The following WWOX variants were observed in gnomAD, a reference collection of about 807,000 sequenced individuals.
WWOX encodes WW domain containing oxidoreductase.
A neutral mutation model predicts 46.2 loss-of-function variants in WWOX; 69 were observed. The observed-to-expected ratio is 1.49, with a 90% CI of 1.23 to 1.82. The LOEUF (loss-of-function observed/expected upper bound fraction) is 1.82, where lower values mean the gene tolerates loss of function less well. WWOX is among the 40% of genes most tolerant of loss of function. The pLI is 0.00. For missense variants in WWOX, 919 were observed against 542.6 expected (o/e 1.69, Z -6.89); for synonymous variants, 359 against 202.6 (o/e 1.77, Z -6.56).
intron 8 of WWOX, among the ~76,000 whole-genome samples, chr16:78,530,984 G>T (rs1026242438): frequency 2.0e-5 from 3 of 152,178 alleles, no homozygotes; most frequent in African/African-American, 4.8e-5. Flanking sequence ...ATATTACTCT[G>T]CAAATATGGA....
At chr16:78,860,144 C>G (rs1037556159) in intron 8 of WWOX, among the ~76,000 whole-genome samples, 2 of 152,164 alleles carry the variant, frequency 1.3e-5, no homozygotes. Flanking sequence ...CATCCTTATT[C>G]CATCGCCCAT....
intron 8 of WWOX, chr16:79,004,865 G>A (rs1007258742): frequency 1.3e-5 from 2 of 152,156 alleles, no homozygotes; most frequent in East Asian, 3.9e-4. Context: ...ACCTATGTGA[G>A]ATTTTATTAT....
At chr16:78,590,090 A>C (rs2045314820) in intron 8 of WWOX, among the ~76,000 whole-genome samples, 1 of 152,154 alleles carries the variant, frequency 6.6e-6, no homozygotes, top group African/African-American at 2.4e-5. Context: ...TTAAGGAGAG[A>C]AACACATATA....
At chr16:78,275,456 G>C (rs374858102) in intron 5 of WWOX, among the ~76,000 whole-genome samples, 1 of 152,210 alleles carries the variant, frequency 6.6e-6, no homozygotes, top group African/African-American at 2.4e-5. Flanking sequence ...TGGTCCGTAC[G>C]CATCCCCTGC....
chr16:78,300,531 C>G (rs1253695860), intron 5 of WWOX, among the ~76,000 whole-genome samples: 1 of 151,646 alleles, frequency 6.6e-6, no homozygotes, highest in African/African-American at 2.4e-5. Flanking sequence ...CTCCCCTCTT[C>G]TCTTTCCCCT....
intron 8 of WWOX, among the ~76,000 whole-genome samples, chr16:78,745,522 CTTT>C (rs5818168): frequency 6.5e-5 from 6 of 92,742 alleles, no homozygotes; most frequent in Admixed American, 1.2e-4. Context: ...TGTGGAAATC[CTTT>C]TTTTTTTTTT....
chr16:78,898,147 A>G (rs2044744842), intron 8 of WWOX: 1 of 152,116 alleles, frequency 6.6e-6, no homozygotes, highest in African/African-American at 2.4e-5. Context: ...CAGAAGTTAT[A>G]AATACTGATA....
chr16:78,170,772 G>A (rs1052957669), intron 5 of WWOX, among the ~76,000 whole-genome samples: 1 of 152,210 alleles, frequency 6.6e-6, no homozygotes, highest in African/African-American at 2.4e-5. Flanking sequence ...ATGATTAAGG[G>A]ATTAGTCATC....
At chr16:78,632,715 C>A (rs183765135) in intron 8 of WWOX, among the ~76,000 whole-genome samples, 1 of 151,668 alleles carries the variant, frequency 6.6e-6, no homozygotes, top group East Asian at 2.0e-4. Flanking sequence ...TGCGCCACCA[C>A]GCCCAGCTGA....
intron 8 of WWOX, chr16:78,895,835 A>G (rs914579834): frequency 1.3e-5 from 2 of 152,218 alleles, no homozygotes; most frequent in African/African-American, 2.4e-5. Context: ...CCGACTATAT[A>G]AAGTCGAGTG....
intron 8 of WWOX, among the ~76,000 whole-genome samples, chr16:79,125,845 C>A (rs1006618348): frequency 6.6e-6 from 1 of 152,126 alleles, no homozygotes; most frequent in Non-Finnish European, 1.5e-5. Flanking sequence ...TTTGCCATAG[C>A]TTTTTACTTC....
intron 8 of WWOX, among the ~76,000 whole-genome samples, chr16:79,032,270 A>T (rs1261585328): frequency 1.4e-5 from 2 of 146,330 alleles, no homozygotes; most frequent in Non-Finnish European, 3.0e-5. Context: ...TATACATAAT[A>T]TATACATAAT....
intron 8 of WWOX, among the ~76,000 whole-genome samples, chr16:78,788,683 G>C (rs942178616): frequency 6.6e-6 from 1 of 152,200 alleles, no homozygotes; most frequent in East Asian, 1.9e-4. Flanking sequence ...GGTAGCAAGT[G>C]TTTTCCTGAG....
intron 8 of WWOX, among the ~76,000 whole-genome samples, chr16:79,091,726 C>G (rs375730788): frequency 6.6e-6 from 1 of 151,002 alleles, no homozygotes; most frequent in East Asian, 1.9e-4. Flanking sequence ...AGTTGGTTTT[C>G]TCAAGAGGGT....
intron 8 of WWOX, among the ~76,000 whole-genome samples, chr16:78,772,235 C>G (rs774336086): frequency 1.3e-5 from 2 of 152,200 alleles, no homozygotes; most frequent in Non-Finnish European, 2.9e-5. Flanking sequence ...GTTGTTCTTT[C>G]TTTGTGTCCT....
chr16:78,310,762 C>T (rs956905824), intron 5 of WWOX, among the ~76,000 whole-genome samples: 1 of 152,216 alleles, frequency 6.6e-6, no homozygotes, highest in Admixed American at 6.5e-5. Context: ...CCTTTGCTTG[C>T]TCTCACAGCT....
At chr16:79,020,237 T>A (rs1427277283) in intron 8 of WWOX, among the ~76,000 whole-genome samples, 4 of 152,220 alleles carry the variant, frequency 2.6e-5, no homozygotes, top group African/African-American at 9.6e-5. Flanking sequence ...ATAAGGATGC[T>A]GCAAGGCGCA....
chr16:78,834,672 C>T (rs370960484), intron 8 of WWOX, among the ~76,000 whole-genome samples: 4 of 152,046 alleles, frequency 2.6e-5, no homozygotes, highest in East Asian at 3.9e-4. Context: ...CCACTGACTT[C>T]TTAACAGAAT....
intron 8 of WWOX, chr16:78,898,674 T>C (rs2044756444): frequency 6.6e-6 from 1 of 152,136 alleles, no homozygotes; most frequent in African/African-American, 2.4e-5. Context: ...TTTATTTGCT[T>C]TGGTATTGAA....
Sources: allele counts gnomAD v4.1 joint callset (sites outside exome capture counted in the v4.1 genomes callset), GRCh38; gene constraint gnomAD v4.1.1; transcripts MANE v1.5; gene names NCBI Gene and HGNC (gene_info 2026-07-23, HGNC 2026-07-21).